Variants in NLN observed in about 807,000 individuals in gnomAD.
NLN encodes the protein neurolysin, mitochondrial.
In NLN, 64 loss-of-function variants were observed where a neutral mutation model predicts 79.9. The observed-to-expected ratio is 0.80, with a 90% CI of 0.65 to 0.99. The LOEUF (loss-of-function observed/expected upper bound fraction) is 0.99. Ranked by LOEUF, NLN falls within the 50% of genes least tolerant of loss-of-function variation. The pLI, the probability that NLN is intolerant of heterozygous loss-of-function variation, is 0.00. For missense variants in NLN, 835 were observed against 858.7 expected (o/e 0.97, Z 0.34); for synonymous variants, 267 against 296.6 (o/e 0.90, Z 1.02).
At chr5:65,764,128 T>A (rs879410423) in intron 3 of NLN, among the ~76,000 whole-genome samples, 3 of 152,212 alleles carry the variant, frequency 2.0e-5, no homozygotes, top group African/African-American at 4.8e-5. Flanking sequence ...ATTTTTTTTA[T>A]GTAATTTGGA....
chr5:65,759,157 A>G (rs1196458786), intron 2 of NLN, among the ~76,000 whole-genome samples: 2 of 152,186 alleles, frequency 1.3e-5, no homozygotes, highest in East Asian at 1.9e-4. Flanking sequence ...TTATGTATAA[A>G]TAGGTATTCT....
rs2150775039 is a variant in NLN, at chr5:65,812,270, C to G, written c.1859C>G (p.Ala620Gly). Residue 620 changes from alanine (A) to glycine (G), a missense_variant, in exon 12 of 13, where the codon GCT (alanine) becomes GGT (glycine). Transcript: ENST00000380985. Reference protein sequence around the residue: ...VAATPGTNMPATFGHLAGGYD... With the variant: ...VAATPGTNMPGTFGHLAGGYD... ...TTTTTTAAAGGCACAAATATGCCAG[C>G]TACCTTTGGACATTTGGCAGGGGGA... The G allele has an allele frequency of 6.2e-7, 1 of 1,613,396 alleles. No homozygotes were observed. The highest frequency in any genetic ancestry group is 1.7e-5 in the Admixed American group (1 of 59,988).
At chr5:65,816,901 T>G (rs2561193) in intron 12 of NLN, among the ~76,000 whole-genome samples, 108,382 of 151,970 alleles carry the variant, frequency 0.71, 38,928 homozygotes, top group African/African-American at 0.78. Flanking sequence ...GTGCCTTCTA[T>G]TGTTAGTCCC....
In NLN at chr5:65,763,105, A is replaced by G; in HGVS notation, c.447A>G (p.Leu149=). 6.2e-7 allele frequency: 1 copy of G among 1,613,188 alleles called. No individual in the cohort carries two copies. Among genetic ancestry groups the G allele is most frequent in the Non-Finnish European group, 8.5e-7 (1 of 1,179,326 alleles). ...RGDIFERIVH[L]QETCDLGKIK... ...ATATATTTGAGAGAATTGTTCATTT[A>G]CAGGTAAGTGGTGTTATAAATCCCT... is the stretch of plus-strand genomic sequence containing the variant. The change falls in exon 3 of 13, where the codon TTA becomes TTG. Residue 149 remains leucine (L), a synonymous_variant. Coordinates refer to ENST00000380985, the MANE Select transcript of NLN (RefSeq NM_020726.5).
chr5:65,751,648 T>C (rs1759105014), intron 1 of NLN, among the ~76,000 whole-genome samples: 1 of 152,218 alleles, frequency 6.6e-6, no homozygotes, highest in African/African-American at 2.4e-5. Flanking sequence ...CTTTAAACTA[T>C]GCTTCAAAAG....
intron 1 of NLN, among the ~76,000 whole-genome samples, chr5:65,731,516 T>G (rs966227247): frequency 1.3e-5 from 2 of 152,188 alleles, no homozygotes; most frequent in Admixed American, 1.3e-4. Context: ...ATTAGGATTA[T>G]TACTTTGTAA....
chr5:65,788,738 G>A lies in NLN; in HGVS notation c.1325+254G>A, dbSNP rs141775911. On this transcript the variant is annotated intron_variant, in intron 8 of 12. Transcript: ENST00000380985. ...TGTAGTCCCAGCACTTTGGGAGGCC[G>A]AGGCAGGTGGATTGCTTGAGTCTAG... is the stretch of plus-strand genomic sequence containing the variant. Among the ~76,000 whole-genome samples the A allele has an allele frequency of 3.9e-4, 60 of 152,220 alleles. No individual in the cohort carries two copies. In the East Asian group the frequency reaches 7.3e-3, roughly 19 times the overall value.
intron 1 of NLN, among the ~76,000 whole-genome samples, chr5:65,730,829 G>A (rs139597753): frequency 0.016 from 2,459 of 152,272 alleles, 74 homozygotes; most frequent in African/African-American, 0.056. Flanking sequence ...TGGGATTACA[G>A]GCGTGAGCCA....
chr5:65,809,814 A>T, intron 10 of NLN, 113 bp downstream of exon 10: 2 of 1,001,822 alleles, frequency 2.0e-6, no homozygotes, highest in South Asian at 3.4e-5. Flanking sequence ...CAACCGTGCT[A>T]GCATGAGGAG....
chr5:65,789,839 A>G (rs922786506), intron 8 of NLN, among the ~76,000 whole-genome samples: 2 of 152,230 alleles, frequency 1.3e-5, no homozygotes, highest in African/African-American at 4.8e-5. Flanking sequence ...AGTCTGGCTG[A>G]GAGGCAGCAC....
intron 8 of NLN, among the ~76,000 whole-genome samples, chr5:65,788,857 A>C (rs1273735981): frequency 6.6e-6 from 1 of 152,164 alleles, no homozygotes; most frequent in East Asian, 1.9e-4. Flanking sequence ...CTATAGTCCC[A>C]GGTACTTGAG....
chr5:65,734,070 G>GTA (rs1758674638), intron 1 of NLN, among the ~76,000 whole-genome samples: 1 of 137,922 alleles, frequency 7.3e-6, no homozygotes, highest in Non-Finnish European at 1.6e-5. Context: ...GCTAATTTTT[G>GTA]GTATTTTTAG....
At chr5:65,732,075 A>G (rs1460190677) in intron 1 of NLN, among the ~76,000 whole-genome samples, 2 of 152,114 alleles carry the variant, frequency 1.3e-5, no homozygotes, top group Non-Finnish European at 2.9e-5. Flanking sequence ...TAGTACTTTT[A>G]TGTTTCATTT....
chr5:65,727,482 A>G (rs1037615678), intron 1 of NLN, among the ~76,000 whole-genome samples: 10 of 151,970 alleles, frequency 6.6e-5, no homozygotes, highest in African/African-American at 2.4e-4. Flanking sequence ...GGTTCCTTAT[A>G]TTGTAAAATG....
At chr5:65,770,580 A>G (rs1442378870) in intron 3 of NLN, among the ~76,000 whole-genome samples, 1 of 152,220 alleles carries the variant, frequency 6.6e-6, no homozygotes, top group Non-Finnish European at 1.5e-5. Flanking sequence ...CTAAGAGTAT[A>G]ACTGATTCAT....
At chr5:65,791,106 A>G (rs180849764) in intron 8 of NLN, among the ~76,000 whole-genome samples, 145 of 152,332 alleles carry the variant, frequency 9.5e-4, no homozygotes, top group Admixed American at 8.6e-3. Context: ...ACTGACTTTT[A>G]AAAAGGGTAT....
intron 12 of NLN, among the ~76,000 whole-genome samples, chr5:65,814,017 A>G (rs1760614589): frequency 6.6e-6 from 1 of 151,864 alleles, no homozygotes; most frequent in African/African-American, 2.4e-5. Context: ...CTCAGAGGAG[A>G]TGTCTCTAGC....
At chr5:65,819,346 AATC>A (rs941145590) in intron 12 of NLN, among the ~76,000 whole-genome samples, 2 of 152,180 alleles carry the variant, frequency 1.3e-5, no homozygotes, top group African/African-American at 4.8e-5. Context: ...AGAATACTGA[AATC>A]ACCTCCTCCA....
Position 65,810,088 on chromosome 5 carries a change from A to G in NLN, c.1766A>G (p.His589Arg). The change falls in exon 11 of 13, where the codon CAT (histidine) becomes CGT (arginine). Residue 589 changes from histidine to arginine, a missense_variant. By Grantham distance (29) the His-to-Arg change is conservative (BLOSUM62 0). Transcript: ENST00000380985. ...IVLSKVDQSL[H>R]TNTSLDAASE... ...TTGAGCAAAGTTGATCAGTCTCTTCATACCAACACATCGCTGGATGCTGCA... is the reference window on the plus strand; with the variant it reads ...TTGAGCAAAGTTGATCAGTCTCTTCGTACCAACACATCGCTGGATGCTGCA... 6.2e-7 allele frequency: 1 copy of G among 1,613,984 alleles called. No individual in the cohort carries two copies. Among genetic ancestry groups the G allele is most frequent in the South Asian group, 1.1e-5 (1 of 91,082 alleles).
Sources: allele counts gnomAD v4.1 joint callset (sites outside exome capture counted in the v4.1 genomes callset), GRCh38; gene constraint gnomAD v4.1.1; transcripts MANE v1.5; gene names NCBI Gene and HGNC (gene_info 2026-07-23, HGNC 2026-07-21).